The following CORO2B variants were observed in gnomAD, a reference collection of about 807,000 sequenced individuals.
CORO2B encodes coronin 2B, also known as coronin-2B.
In CORO2B, 26 loss-of-function variants were observed where a neutral mutation model predicts 58.8. The observed-to-expected ratio is 0.44, with a 90% confidence interval of 0.32 to 0.61. CORO2B has a LOEUF of 0.61. Ranked by LOEUF, CORO2B falls within the 20% of genes least tolerant of loss-of-function variation. CORO2B has a pLI of 0.04. For synonymous variants in CORO2B, 242 were observed against 253.8 expected (o/e 0.95, Z 0.44); for missense variants, 460 against 645.1 (o/e 0.71, Z 3.11).
chr15:68,596,971 C>T (rs896329065), intron 1 of CORO2B, among the ~76,000 whole-genome samples: 2 of 152,198 alleles, frequency 1.3e-5, no homozygotes, highest in African/African-American at 4.8e-5. Flanking sequence ...GGGTCTTGTC[C>T]TCCTGCAGGG....
chr15:68,564,385 C>A, the CORO2B span, among the ~76,000 whole-genome samples: 1 of 151,974 alleles, frequency 6.6e-6, no homozygotes, highest in East Asian at 1.9e-4. Flanking sequence ...CTAACTACAA[C>A]CTCTGCCTCT....
chr15:68,606,145 T>G (rs151154606), intron 1 of CORO2B, among the ~76,000 whole-genome samples: 95 of 152,004 alleles, frequency 6.2e-4, no homozygotes, highest in Admixed American at 1.6e-3. Flanking sequence ...CCATGTTAGG[T>G]CAAAGGTGAC....
chr15:68,718,575 G>A, intron 8 of CORO2B, 123 bp from the exon 9 acceptor site: 1 of 781,588 alleles, frequency 1.3e-6, no homozygotes, highest in Non-Finnish European at 2.1e-6. Flanking sequence ...CCCTCTGCAT[G>A]GGCCGTTGCC....
At chr15:68,672,665 G>A (rs1003023284) in intron 2 of CORO2B, among the ~76,000 whole-genome samples, 33 of 152,352 alleles carry the variant, frequency 2.2e-4, no homozygotes, top group African/African-American at 6.7e-4. Flanking sequence ...CAGTGGCTCA[G>A]CTTTGGAAGT....
chr15:68,543,558 T>A, the CORO2B span, among the ~76,000 whole-genome samples: 5 of 152,228 alleles, frequency 3.3e-5, no homozygotes, highest in East Asian at 9.7e-4. Context: ...CAGGGTCTTG[T>A]GAGAATAACT....
In CORO2B at chr15:68,579,156, G is replaced by T; in HGVS notation, c.-107G>T. On this transcript the variant is annotated 5_prime_UTR_variant, in exon 1 of 12. Transcript: ENST00000261861. ...CTCGGCCGAGCCGCCGGCGGGGCGC[G>T]GGGAGCGAGCCGGGAGCTGCCGGAC... 1.0e-6 allele frequency: 1 copy of T among 981,092 alleles called. No homozygotes were observed. Among genetic ancestry groups the T allele is most frequent in the Non-Finnish European group, 1.2e-6 (1 of 828,150 alleles). 60.8% of individuals were successfully genotyped at this position (981,092 alleles called of 1,614,324 possible). A position where few individuals can be genotyped will look rare whatever the true frequency, so the allele number is the denominator to read the frequency against.
intron 1 of CORO2B, among the ~76,000 whole-genome samples, chr15:68,624,681 T>C (rs571033780): frequency 2.0e-5 from 3 of 147,036 alleles, no homozygotes; most frequent in Admixed American, 6.6e-5. Context: ...TCTGTTTTTT[T>C]TTTTCTTTTC....
upstream of CORO2B, among the ~76,000 whole-genome samples, chr15:68,576,089 G>T (rs1218785061): frequency 2.3e-5 from 3 of 130,008 alleles, no homozygotes; most frequent in African/African-American, 8.5e-5. Flanking sequence ...AGAGGCAGAA[G>T]TTGCAGTGAG....
intron 2 of CORO2B, among the ~76,000 whole-genome samples, chr15:68,673,617 C>T (rs1195929185): frequency 6.6e-6 from 1 of 152,112 alleles, no homozygotes; most frequent in South Asian, 2.1e-4. Context: ...GCAGGCGAAT[C>T]ACTTAAGGTC....
At chr15:68,610,583 T>TGC (rs1314186952) in intron 1 of CORO2B, among the ~76,000 whole-genome samples, 1 of 152,130 alleles carries the variant, frequency 6.6e-6, no homozygotes, top group Non-Finnish European at 1.5e-5. Flanking sequence ...TCCAGCATCC[T>TGC]GCGCGTTTAA....
chr15:68,698,546 C>T (rs1467851086), intron 3 of CORO2B, among the ~76,000 whole-genome samples: 1 of 152,216 alleles, frequency 6.6e-6, no homozygotes, highest in African/African-American at 2.4e-5. Context: ...AGCCAAGAGA[C>T]TCTGTTCAGT....
chr15:68,599,924 G>A (rs562559653), intron 1 of CORO2B, among the ~76,000 whole-genome samples: 12 of 152,346 alleles, frequency 7.9e-5, no homozygotes, highest in South Asian at 2.1e-4. Context: ...AATGAACTGC[G>A]TCCTTGGAGA....
chr15:68,679,893 C>T (rs530062522), intron 2 of CORO2B, among the ~76,000 whole-genome samples: 28 of 152,296 alleles, frequency 1.8e-4, no homozygotes, highest in African/African-American at 6.5e-4. Flanking sequence ...GGTGGTGCAT[C>T]TCCTTCTCTG....
At chr15:68,528,486 A>C in the CORO2B span, among the ~76,000 whole-genome samples, 1 of 152,150 alleles carries the variant, frequency 6.6e-6, no homozygotes, top group Non-Finnish European at 1.5e-5. Context: ...TCCTGGGATA[A>C]GTCCTGCTTT....
At chr15:68,649,542 G>A (rs1901567475) in intron 2 of CORO2B, among the ~76,000 whole-genome samples, 1 of 152,172 alleles carries the variant, frequency 6.6e-6, no homozygotes, top group Non-Finnish European at 1.5e-5. Context: ...CCAGCGTTCA[G>A]TCTCAGGATC....
chr15:68,720,232 G>A (rs142582332), intron 11 of CORO2B, among the ~76,000 whole-genome samples: 265 of 152,316 alleles, frequency 1.7e-3, no homozygotes, highest in African/African-American at 6.2e-3. Context: ...GGCTGTGACT[G>A]AGCAAGTCTA....
intron 2 of CORO2B, among the ~76,000 whole-genome samples, chr15:68,668,326 C>G (rs993420811): frequency 2.0e-5 from 3 of 151,992 alleles, no homozygotes; most frequent in Non-Finnish European, 4.4e-5. Flanking sequence ...ATCATGCAGA[C>G]AACACAGACA....
chr15:68,717,516 A>G (rs750285727), intron 8 of CORO2B, among the ~76,000 whole-genome samples: 8 of 152,198 alleles, frequency 5.3e-5, no homozygotes, highest in Admixed American at 2.0e-4. Context: ...GGTATCGGAT[A>G]TGGAGGGGTG....
the CORO2B span, among the ~76,000 whole-genome samples, chr15:68,520,426 G>A: frequency 2.6e-5 from 4 of 152,068 alleles, no homozygotes; most frequent in Non-Finnish European, 5.9e-5. Flanking sequence ...TTTTTGCTCC[G>A]TGTAATTTGA....
Sources: gnomAD v4.1 joint callset for allele counts (sites outside exome capture counted in the v4.1 genomes callset) on GRCh38, gnomAD v4.1.1 for gene constraint, MANE v1.5 for transcripts, NCBI Gene and HGNC (gene_info 2026-07-23, HGNC 2026-07-21) for gene names.